The following PRIM2 variants were observed in gnomAD, a reference collection of about 807,000 sequenced individuals.
PRIM2 encodes DNA primase large subunit.
PRIM2 carries 39 observed loss-of-function variants against 67.3 expected under a neutral mutation model. The observed-to-expected ratio is 0.58, with a 90% CI of 0.45 to 0.76. PRIM2 has a LOEUF of 0.76. Among genes scored for constraint, PRIM2 ranks in the 30% least tolerant of loss-of-function variants. PRIM2 has a pLI of 0.00. For missense variants in PRIM2, 398 were observed against 598.7 expected (o/e 0.66, Z 3.50); for synonymous variants, 143 against 198.7 (o/e 0.72, Z 2.36).
chr6:57,625,307 T>TG (rs1776930062), intron 12 of PRIM2, among the ~76,000 whole-genome samples: 1 of 152,202 alleles, frequency 6.6e-6, no homozygotes, highest in East Asian at 1.9e-4. Flanking sequence ...AAATGGATTC[T>TG]GGGGACAAAT....
chr6:57,362,131 T>A (rs4715664), intron 5 of PRIM2, among the ~76,000 whole-genome samples: 143 of 150,642 alleles, frequency 9.5e-4, no homozygotes, highest in South Asian at 1.7e-3. Context: ...GCCATAGAGC[T>A]GACTTCTAAT....
chr6:57,444,707 A>G (rs1772312920), intron 7 of PRIM2, among the ~76,000 whole-genome samples: 3 of 152,232 alleles, frequency 2.0e-5, no homozygotes, highest in African/African-American at 7.2e-5. Context: ...GTGTTTTAGC[A>G]GAAAGGTTAA....
At chr6:57,282,978 T>A in the PRIM2 span, among the ~76,000 whole-genome samples, 13 of 152,058 alleles carry the variant, frequency 8.5e-5, no homozygotes, top group Admixed American at 8.5e-4. Flanking sequence ...TATCTGGGAG[T>A]CTTTTTTTCT....
intron 8 of PRIM2, among the ~76,000 whole-genome samples, chr6:57,514,228 A>AT (rs1452505017): frequency 1.6e-4 from 24 of 152,194 alleles, no homozygotes; most frequent in African/African-American, 5.5e-4. Flanking sequence ...GCTTTCACAA[A>AT]TTTTTTATCA....
chr6:57,274,038 C>T, the PRIM2 span, among the ~76,000 whole-genome samples: 2 of 152,232 alleles, frequency 1.3e-5, no homozygotes, highest in African/African-American at 2.4e-5. Flanking sequence ...TCCGCCCCTA[C>T]TGGGGGGTGC....
At chr6:57,226,262 A>G in the PRIM2 span, among the ~76,000 whole-genome samples, 1 of 152,232 alleles carries the variant, frequency 6.6e-6, no homozygotes, top group Non-Finnish European at 1.5e-5. Flanking sequence ...AACTGGTATG[A>G]TGGAAGCATG....
intron 7 of PRIM2, among the ~76,000 whole-genome samples, chr6:57,478,263 A>G (rs1303478180): frequency 1.3e-5 from 2 of 152,156 alleles, no homozygotes; most frequent in African/African-American, 4.8e-5. Flanking sequence ...TTGAACAAGT[A>G]AGAAAGAGGT....
At chr6:57,562,167 A>C (rs1185014181) in intron 10 of PRIM2, among the ~76,000 whole-genome samples, 109,009 of 151,852 alleles carry the variant, frequency 0.72, 39,785 homozygotes, top group African/African-American at 0.86. Flanking sequence ...CAGATCAGCA[A>C]AACAGACATA....
chr6:57,309,704 T>C, the PRIM2 span, among the ~76,000 whole-genome samples: 4 of 152,148 alleles, frequency 2.6e-5, no homozygotes, highest in Non-Finnish European at 5.9e-5. Flanking sequence ...CTGGGTCAAA[T>C]GGTATTTCTA....
intron 13 of PRIM2, among the ~76,000 whole-genome samples, chr6:57,642,590 G>C (rs1777262825): frequency 6.6e-6 from 1 of 150,820 alleles, no homozygotes; most frequent in Non-Finnish European, 1.5e-5. Flanking sequence ...CTACAGGCAC[G>C]CGCCACCATG....
rs1193417808 is a variant in PRIM2 at position 57,632,355 on chromosome 6, C to T, written c.1299+154C>T. On this transcript the variant is annotated intron_variant, in intron 13 of 13. Coordinates refer to ENST00000615550, the MANE Select transcript of PRIM2 (RefSeq NM_000947.5). Reference sequence around the variant, plus strand: ...TAAGTAACTTACAGCATTTATTGAACGACCAGACAACTAAGCTTGGATGCT... The same window carrying T: ...TAAGTAACTTACAGCATTTATTGAATGACCAGACAACTAAGCTTGGATGCT... 2.8e-4 allele frequency among the ~76,000 whole-genome samples: 43 copies of T among 152,046 alleles called. 1 individual carries two copies. The South Asian group carries it at 5.0e-3, about 18-fold the overall frequency.
intron 5 of PRIM2, among the ~76,000 whole-genome samples, chr6:57,339,215 G>C (rs1212583440): frequency 1.3e-5 from 2 of 152,086 alleles, no homozygotes; most frequent in East Asian, 1.9e-4. Flanking sequence ...AGGATACAAA[G>C]AAATGGAAGA....
At chr6:57,240,091 G>GTTTTT in the PRIM2 span, among the ~76,000 whole-genome samples, 383 of 89,944 alleles carry the variant, frequency 4.3e-3, 15 homozygotes, top group African/African-American at 0.016. Flanking sequence ...TCAATAATCT[G>GTTTTT]TTTTTTTTTT....
chr6:57,335,513 C>G (rs1178526776), intron 5 of PRIM2, among the ~76,000 whole-genome samples: 7 of 152,090 alleles, frequency 4.6e-5, no homozygotes, highest in Non-Finnish European at 7.4e-5. Flanking sequence ...AGCTGGAGAT[C>G]TGAGAATGGG....
intron 7 of PRIM2, among the ~76,000 whole-genome samples, chr6:57,398,590 G>A (rs1770601696): frequency 6.6e-6 from 1 of 152,080 alleles, no homozygotes; most frequent in African/African-American, 2.4e-5. Flanking sequence ...TAGAGCATTT[G>A]CTGTGTGGTG....
Position 57,507,394 on chromosome 6 carries a change from C to T in PRIM2, c.701C>T (p.Ala234Val). 1 of 1,536,680 alleles carries T rather than the reference C, an allele frequency of 6.5e-7. No homozygotes were observed. The highest frequency in any genetic ancestry group is 8.8e-7 in the Non-Finnish European group (1 of 1,142,832). The stretch of plus-strand genomic sequence containing the variant: ...TTTCTTCCCTGCTTTTAGTTAACAG[C>T]CAGGTCCTTGCCTGCTGTGCAGTCT... ...AKLSKALALT[A>V]RSLPAVQSDE... Residue 234 changes from alanine to valine, a missense_variant, in exon 8 of 14, where the codon GCC (alanine) becomes GTC (valine). This residue lies in a region of PRIM2 where 229 missense variants were observed against 383.6 expected (regional missense o/e 0.60). Transcript: ENST00000615550.
intron 10 of PRIM2, among the ~76,000 whole-genome samples, chr6:57,567,643 C>T (rs1477473070): frequency 2.0e-5 from 3 of 152,112 alleles, no homozygotes; most frequent in East Asian, 3.9e-4. Context: ...ACATAAAATA[C>T]GTGATTGTGT....
chr6:57,451,369 G>A (rs1235555909), intron 7 of PRIM2, among the ~76,000 whole-genome samples: 2 of 152,110 alleles, frequency 1.3e-5, no homozygotes, highest in Non-Finnish European at 2.9e-5. Context: ...TCGAAACCCT[G>A]ACCTCAAGTG....
the PRIM2 span, among the ~76,000 whole-genome samples, chr6:57,296,484 T>C: frequency 5.6e-4 from 85 of 152,194 alleles, no homozygotes; most frequent in African/African-American, 2.0e-3. Context: ...GAATGAATCT[T>C]GTGATATATA....
Sources: gnomAD v4.1 joint callset for allele counts (sites outside exome capture counted in the v4.1 genomes callset) on GRCh38, gnomAD v4.1.1 for gene constraint, gnomAD v4.1.1 regional missense constraint, MANE v1.5 for transcripts, NCBI Gene and HGNC (gene_info 2026-07-23, HGNC 2026-07-21) for gene names.